Variants in ROGDI observed in about 807,000 individuals in gnomAD.
The protein encoded by ROGDI is protein rogdi homolog.
A neutral mutation model predicts 43.1 loss-of-function variants in ROGDI; 46 were observed. The observed-to-expected ratio is 1.07, with a 90% CI of 0.84 to 1.37. The LOEUF (loss-of-function observed/expected upper bound fraction) is 1.37. Among genes scored for constraint, ROGDI ranks in the 40% most tolerant of loss-of-function variants. The pLI is 0.00. For missense variants in ROGDI, 518 were observed against 383.9 expected, an observed-to-expected ratio of 1.35 and a Z score of -2.92; for synonymous variants, 243 against 162.0, an observed-to-expected ratio of 1.50 and a Z score of -3.80.
At position 4,801,577 on chromosome 16, in the gene ROGDI, A is replaced by G; in HGVS notation, c.126T>C (p.Ser42=). 6.3e-7 allele frequency: 1 copy of G among 1,599,884 alleles called. No homozygotes were observed. The highest frequency in any genetic ancestry group is 1.3e-5 in the African/African-American group (1 of 74,932). Residue 42 remains serine, a synonymous_variant, in exon 3 of 11, where the codon TCT becomes TCC. Coordinates refer to ENST00000322048, the MANE Select transcript of ROGDI (RefSeq NM_024589.3). ...CGGAGCCCGGCAGAGTGAAGCGCAGAGAGGCCTCCTGTGGAACAGAGGGAA... is the reference window on the plus strand; with the variant it reads ...CGGAGCCCGGCAGAGTGAAGCGCAGGGAGGCCTCCTGTGGAACAGAGGGAA... The part of the protein sequence containing the change: ...KQLQDILKEA[S]LRFTLPGSGT...
Position 4,801,178 on chromosome 16 carries a change from G to A in ROGDI, c.255+89C>T, listed in dbSNP as rs750663480. The A allele has an allele frequency of 6.2e-6, 7 of 1,121,106 alleles. No homozygotes were observed. In the South Asian group the frequency reaches 1.1e-4, roughly 18 times the overall value. 69.4% of individuals were successfully genotyped at this position (1,121,106 alleles called of 1,614,324 possible). A position where few individuals can be genotyped will look rare whatever the true frequency, so the allele number is the denominator to read the frequency against. ...CCAGAGAGATCAAGGGTCCCGCCCA[G>A]AGTCGCAGGGCTTGTACAGAGAGAA... is the stretch of plus-strand genomic sequence containing the variant. On this transcript the variant is annotated intron_variant, in intron 4 of 10. Transcript: ENST00000322048.
Position 4,802,382 on chromosome 16 carries a change from C to A in ROGDI, c.117G>T (p.Lys39Asn), listed in dbSNP as rs956797047. The A allele has an allele frequency of 2.5e-6, 4 of 1,570,700 alleles. No homozygotes were observed. The highest frequency in any genetic ancestry group is 1.9e-5 in the Admixed American group (1 of 53,408). The change falls in exon 2 of 11, where the codon AAG becomes AAT. Residue 39 changes from lysine to asparagine, a missense_variant and splice_region_variant. Coordinates refer to ENST00000322048, the MANE Select transcript of ROGDI (RefSeq NM_024589.3). The stretch of plus-strand genomic sequence containing the variant: ...GGCGGGGCAGGGCGCGGGTCGTTAC[C>A]TTGAGGATGTCCTGCAGCTGCTTCA... ...AVLKQLQDIL[K>N]EASLRFTLPG...
At chr16:4,801,683 A>T in intron 2 of ROGDI, 98 bp from the exon 3 acceptor site, 1 of 1,180,758 alleles carries the variant, frequency 8.5e-7, no homozygotes, top group Non-Finnish European at 1.2e-6. Flanking sequence ...CAGCGGGGGG[A>T]AGGAACAACG....
At chr16:4,802,300 G>A (rs1256020334) in intron 2 of ROGDI, 82 bp downstream of exon 2, 1 of 1,290,832 alleles carries the variant, frequency 7.7e-7, no homozygotes, top group South Asian at 1.3e-5. Flanking sequence ...CGCTCAGGAC[G>A]CAGCCGCGCG....
At chr16:4,801,217 A>G in intron 4 of ROGDI, 50 bp downstream of exon 4, 1 of 1,503,242 alleles carries the variant, frequency 6.7e-7, no homozygotes, top group Non-Finnish European at 9.1e-7. Context: ...GGGAGCTCCC[A>G]TGCTCTTCCC....
rs769162400 is a variant in ROGDI, at chr16:4,797,752, T to G, written c.784A>C (p.Thr262Pro). The G allele has an allele frequency of 1.3e-6, 2 of 1,537,130 alleles. No homozygotes were observed. Among genetic ancestry groups the G allele is most frequent in the African/African-American group, 3.3e-5 (2 of 60,536 alleles). ...TGCTGGCAGAGCTGCAGGGAGACGG[T>G]GAAGTAGACCAGGGCGTCGTTGAGC... ...PWLNDALVYFTVSLQLCQQLK... is the reference protein window; with the variant it reads ...PWLNDALVYFPVSLQLCQQLK... The change falls in exon 10 of 11, where the codon ACC (threonine) becomes CCC (proline). Residue 262 changes from threonine to proline, a missense_variant. Thr to Pro is a conservative substitution (Grantham distance 38, BLOSUM62 -1). Coordinates refer to ENST00000322048, the MANE Select transcript of ROGDI (RefSeq NM_024589.3).
chr16:4,801,097 C>T (rs539071981), intron 4 of ROGDI, 170 bp downstream of exon 4: 11 of 574,948 alleles, frequency 1.9e-5, no homozygotes, highest in African/African-American at 1.1e-4. Flanking sequence ...ATCTGCACAC[C>T]GATCCCGGGA....
rs1440775224 is a variant in ROGDI at position 4,797,360 on chromosome 16, G to A, written c.*100C>T. 2 of 1,083,950 alleles carry A rather than the reference G, an allele frequency of 1.8e-6. No homozygotes were observed. Among genetic ancestry groups the A allele is most frequent in the African/African-American group, 1.6e-5 (1 of 64,186 alleles). 67.1% of individuals were successfully genotyped at this position (1,083,950 alleles called of 1,614,324 possible). ...GGTGGGGTAGGGGGTGGGATAGGGAGATAAATAGCAGCCTGGCGTTGGCAC... is the reference window on the plus strand; with the variant it reads ...GGTGGGGTAGGGGGTGGGATAGGGAAATAAATAGCAGCCTGGCGTTGGCAC... On this transcript the variant is annotated 3_prime_UTR_variant, in exon 11 of 11. Coordinates refer to ENST00000322048, the MANE Select transcript of ROGDI (RefSeq NM_024589.3).
chr16:4,802,291 G>A, intron 2 of ROGDI, 91 bp downstream of exon 2: 4 of 1,211,288 alleles, frequency 3.3e-6, no homozygotes, highest in Admixed American at 2.2e-5. Flanking sequence ...CACTGTAGGC[G>A]CTCAGGACGC....
At chr16:4,798,843 A>C (rs1301498722) in intron 6 of ROGDI, 176 bp from the exon 7 acceptor site, 1 of 610,158 alleles carries the variant, frequency 1.6e-6, no homozygotes, top group Non-Finnish European at 2.9e-6. Context: ...GGTATGGAGG[A>C]GGGCAGGATG....
At chr16:4,801,611 G>A (rs1567604265) in intron 2 of ROGDI, 26 bp from the exon 3 acceptor site, 28 of 1,567,046 alleles carry the variant, frequency 1.8e-5, no homozygotes, top group Non-Finnish European at 2.1e-5. Flanking sequence ...AAGGAGGGGA[G>A]CTGGTAGCGC....
rs1236746045 is a variant in ROGDI at position 4,797,485 on chromosome 16, C to T, written c.839G>A (p.Ser280Asn). The change falls in exon 11 of 11, where the codon AGC becomes AAC. Residue 280 changes from serine (S) to asparagine (N), a missense_variant. Coordinates refer to ENST00000322048, the MANE Select transcript of ROGDI (RefSeq NM_024589.3). ...TCAGAAGGGTCTGTAGCTCCAGTAG[C>T]TGGAGAACACGGAGATCTGCAAGGG... ...QLKDKISVFSSYWSYRPF is the reference protein window; with the variant it reads ...QLKDKISVFSNYWSYRPF 4.3e-6 allele frequency: 7 copies of T among 1,613,464 alleles called. No individual in the cohort carries two copies. Among genetic ancestry groups the T allele is most frequent in the South Asian group, 2.2e-5 (2 of 91,022 alleles).
At position 4,797,519 on chromosome 16, in the gene ROGDI, G is replaced by A; in HGVS notation, c.823-18C>T. 1 of 1,422,922 alleles carries A rather than the reference G, an allele frequency of 7.0e-7. No individual in the cohort carries two copies. The highest frequency in any genetic ancestry group is 9.3e-7 in the Non-Finnish European group (1 of 1,075,138). 88.1% of individuals were successfully genotyped at this position (1,422,922 alleles called of 1,614,324 possible). A position where few individuals can be genotyped will look rare whatever the true frequency, so the allele number is the denominator to read the frequency against. ...ACGGAGATCTGCAAGGGGAGAGGGT[G>A]CTGTAGGTTGCTGAAGGGGGATGGG... On this transcript the variant is annotated intron_variant, in intron 10 of 10. Transcript: ENST00000322048.
In ROGDI at chr16:4,802,516, G is replaced by A. The variant is rs1402877289; in HGVS notation, c.45+11C>T. On this transcript the variant is annotated intron_variant, in intron 1 of 10. Coordinates refer to ENST00000322048, the MANE Select transcript of ROGDI (RefSeq NM_024589.3). ...GCCCCGCCGGCCCGCCCGCTGGCCC[G>A]CGCGCCTTACCAGCACCGCCCGCTC... 5 of 1,218,322 alleles carry A rather than the reference G, an allele frequency of 4.1e-6. No individual in the cohort carries two copies. Among genetic ancestry groups the A allele is most frequent in the South Asian group, 7.2e-5 (2 of 27,590 alleles). The allele number at this position is 1,218,322 out of a possible 1,614,324, so 75.5% of individuals were successfully genotyped here. A position where few individuals can be genotyped will look rare whatever the true frequency, so the allele number is the denominator to read the frequency against.
Position 4,798,128 on chromosome 16 carries a change from G to A in ROGDI, c.588C>T (p.Leu196=), listed in dbSNP as rs766970849. The change falls in exon 8 of 11, where the codon CTC becomes CTT. Residue 196 remains leucine, a synonymous_variant. Coordinates refer to ENST00000322048, the MANE Select transcript of ROGDI (RefSeq NM_024589.3). ...SDLLVNVYIN[L]NKLCLTVYQL... is the part of the protein sequence containing the mutation. ...GGTACACCGTGAGGCAGAGCTTGTTGAGGTTGATGTAGACGTTGACCAGCA... is the reference window on the plus strand; with the variant it reads ...GGTACACCGTGAGGCAGAGCTTGTTAAGGTTGATGTAGACGTTGACCAGCA... The A allele has an allele frequency of 5.6e-6, 9 of 1,613,936 alleles. No individual in the cohort carries two copies. The highest frequency in any genetic ancestry group is 2.7e-5 in the African/African-American group (2 of 74,908).
rs2082746355 is a variant in ROGDI, at chr16:4,802,510, T to C, written c.45+17A>G. 12 of 1,211,652 alleles carry C rather than the reference T, an allele frequency of 9.9e-6. No homozygotes were observed. The South Asian group carries it at 3.1e-4, about 31-fold the overall frequency. The allele number at this position is 1,211,652 out of a possible 1,614,324, so 75.1% of individuals were successfully genotyped here. ...CCCGCCGCCCCGCCGGCCCGCCCGC[T>C]GGCCCGCGCGCCTTACCAGCACCGC... On this transcript the variant is annotated intron_variant, in intron 1 of 10. Transcript: ENST00000322048.
intron 2 of ROGDI, chr16:4,801,915 C>T (rs1308013919): frequency 3.6e-6 from 2 of 561,810 alleles, no homozygotes; most frequent in South Asian, 3.6e-5. Context: ...TATGGTAACC[C>T]GCGGTCCTGG....
chr16:4,798,142 C>G lies in ROGDI; in HGVS notation c.574G>C (p.Val192Leu), dbSNP rs201931071. The change falls in exon 8 of 11, where the codon GTC (valine) becomes CTC (leucine). Residue 192 changes from valine to leucine, a missense_variant. Transcript: ENST00000322048. ...PALPSDLLVN[V>L]YINLNKLCLT... ...CAGAGCTTGTTGAGGTTGATGTAGA[C>G]GTTGACCAGCAGGTCGGACGGCAGG... The G allele has an allele frequency of 6.2e-7, 1 of 1,613,974 alleles. No individual in the cohort carries two copies. The highest frequency in any genetic ancestry group is 1.1e-5 in the South Asian group (1 of 91,084).
At chr16:4,801,716 A>T (rs1296216287) in intron 2 of ROGDI, 131 bp from the exon 3 acceptor site, 2 of 832,128 alleles carry the variant, frequency 2.4e-6, no homozygotes, top group Non-Finnish European at 3.8e-6. Flanking sequence ...ACCTGGGTTC[A>T]GCTGGGGTGG....
Sources: gnomAD v4.1 joint callset for allele counts on GRCh38, gnomAD v4.1.1 for gene constraint, MANE v1.5 for transcripts, NCBI Gene and HGNC (gene_info 2026-07-23, HGNC 2026-07-21) for gene names.